The following ASIC2 variants were observed in gnomAD, a reference collection of about 807,000 sequenced individuals.
ASIC2 encodes acid-sensing ion channel 2.
ASIC2 carries 25 observed loss-of-function variants against 57.3 expected under a neutral mutation model. That is an observed-to-expected ratio of 0.44 (90% CI 0.32 to 0.61). The LOEUF is 0.61. Ranked by LOEUF, ASIC2 falls within the 20% of genes least tolerant of loss-of-function variation. ASIC2 has a pLI of 0.06. For missense variants in ASIC2, 641 were observed against 738.1 expected (o/e 0.87, Z 1.52); for synonymous variants, 319 against 307.5 (o/e 1.04, Z -0.39).
At chr17:33,151,314 C>G (rs1361932768) in intron 1 of ASIC2, among the ~76,000 whole-genome samples, 2 of 151,288 alleles carry the variant, frequency 1.3e-5, no homozygotes, top group African/African-American at 4.9e-5. Flanking sequence ...GCTGAGGTTA[C>G]AGTGAGCCGA....
At chr17:33,185,658 C>G (rs895691357) in intron 1 of ASIC2, among the ~76,000 whole-genome samples, 1 of 152,100 alleles carries the variant, frequency 6.6e-6, no homozygotes, top group African/African-American at 2.4e-5. Flanking sequence ...TAAGAGTACA[C>G]AAGAGGAAAG....
intron 1 of ASIC2, among the ~76,000 whole-genome samples, chr17:33,443,448 C>T (rs1425586576): frequency 1.3e-4 from 14 of 110,252 alleles, no homozygotes; most frequent in African/African-American, 4.9e-4. Flanking sequence ...GAGTCTCGCT[C>T]TGTCGCCCAG....
intron 1 of ASIC2, among the ~76,000 whole-genome samples, chr17:33,451,583 A>G (rs985426656): frequency 6.6e-6 from 1 of 152,148 alleles, no homozygotes. Flanking sequence ...CCAACTATCC[A>G]GTCCTGTGAA....
At chr17:33,332,211 A>T (rs1907341495) in intron 1 of ASIC2, among the ~76,000 whole-genome samples, 1 of 152,268 alleles carries the variant, frequency 6.6e-6, no homozygotes, top group Admixed American at 6.5e-5. Flanking sequence ...GGCTAATACT[A>T]GAGCTACTTG....
At chr17:34,042,108 C>T (rs1908157029) in intron 1 of ASIC2, among the ~76,000 whole-genome samples, 1 of 152,150 alleles carries the variant, frequency 6.6e-6, no homozygotes, top group Non-Finnish European at 1.5e-5. Context: ...CACTATAATC[C>T]TCATATGCTG....
intron 1 of ASIC2, among the ~76,000 whole-genome samples, chr17:33,482,406 C>T (rs1913435079): frequency 6.6e-6 from 1 of 152,220 alleles, no homozygotes; most frequent in Non-Finnish European, 1.5e-5. Flanking sequence ...CTAACTCAAC[C>T]CTAAGTGTTT....
chr17:33,129,548 T>G (rs989001014), intron 1 of ASIC2, among the ~76,000 whole-genome samples: 3 of 152,244 alleles, frequency 2.0e-5, no homozygotes, highest in African/African-American at 7.2e-5. Context: ...AACAATAACC[T>G]TTCTTGGGAG....
At chr17:33,999,126 T>C (rs1906254173) in intron 1 of ASIC2, among the ~76,000 whole-genome samples, 1 of 152,192 alleles carries the variant, frequency 6.6e-6, no homozygotes, top group Admixed American at 6.5e-5. Context: ...CTTCTTCATC[T>C]CTTGCAACCA....
chr17:34,039,674 C>A, intron 1 of ASIC2: 1 of 1,612,638 alleles, frequency 6.2e-7, no homozygotes, highest in Non-Finnish European at 8.5e-7. Context: ...TATGGTTCAG[C>A]TTTTCTTTTC....
intron 1 of ASIC2, among the ~76,000 whole-genome samples, chr17:33,466,801 C>A (rs1015834827): frequency 4.6e-5 from 7 of 152,142 alleles, no homozygotes; most frequent in Non-Finnish European, 2.9e-5. Flanking sequence ...GTGTAGAAAG[C>A]TGAAACTGGA....
intron 1 of ASIC2, chr17:34,039,718 G>A: frequency 6.2e-7 from 1 of 1,612,336 alleles, no homozygotes; most frequent in Non-Finnish European, 8.5e-7. Flanking sequence ...TTTCTTGGGA[G>A]TCTCTACTTC....
intron 1 of ASIC2, chr17:34,039,032 C>G (rs1382247500): frequency 1.9e-6 from 3 of 1,614,050 alleles, no homozygotes; most frequent in African/African-American, 2.7e-5. Flanking sequence ...GCCATCTTCT[C>G]TTGTTTTGAC....
At chr17:33,407,559 A>ACTT (rs1406362929) in intron 1 of ASIC2, among the ~76,000 whole-genome samples, 1 of 152,172 alleles carries the variant, frequency 6.6e-6, no homozygotes, top group African/African-American at 2.4e-5. Context: ...AAAATTCTCA[A>ACTT]CTTTATATTT....
chr17:34,152,974 A>G (rs772737036), intron 1 of ASIC2, among the ~76,000 whole-genome samples: 1 of 152,178 alleles, frequency 6.6e-6, no homozygotes, highest in African/African-American at 2.4e-5. Flanking sequence ...GTTGAGGGCT[A>G]AGAGTGTACT....
At chr17:34,111,481 T>G (rs1001771842) in intron 1 of ASIC2, among the ~76,000 whole-genome samples, 1 of 152,112 alleles carries the variant, frequency 6.6e-6, no homozygotes, top group Non-Finnish European at 1.5e-5. Flanking sequence ...GTATATGCAC[T>G]CTGACATTCT....
intron 1 of ASIC2, among the ~76,000 whole-genome samples, chr17:34,134,542 G>A (rs556546105): frequency 1.2e-4 from 18 of 152,308 alleles, no homozygotes; most frequent in African/African-American, 4.3e-4. Flanking sequence ...TCGTAGAGAT[G>A]AGGCTGGAAG....
chr17:33,967,483 C>A (rs147894164), intron 1 of ASIC2, among the ~76,000 whole-genome samples: 7 of 152,184 alleles, frequency 4.6e-5, no homozygotes, highest in Admixed American at 6.5e-5. Context: ...AATCCACCCC[C>A]CTCAGCCTCC....
intron 1 of ASIC2, among the ~76,000 whole-genome samples, chr17:33,858,177 C>T (rs1248236471): frequency 6.6e-6 from 1 of 152,218 alleles, no homozygotes; most frequent in Non-Finnish European, 1.5e-5. Flanking sequence ...GTTTCTGCCT[C>T]GTCCTTAGGT....
chr17:33,519,169 C>T (rs914537359), intron 1 of ASIC2, among the ~76,000 whole-genome samples: 2 of 152,226 alleles, frequency 1.3e-5, no homozygotes, highest in Non-Finnish European at 2.9e-5. Flanking sequence ...GAGGCAGCCA[C>T]AGCACAGAGA....
Sources: allele counts gnomAD v4.1 joint callset (sites outside exome capture counted in the v4.1 genomes callset), GRCh38; gene constraint gnomAD v4.1.1; transcripts MANE v1.5; gene names NCBI Gene and HGNC (gene_info 2026-07-23, HGNC 2026-07-21).